PARD3: variants seen among roughly 807,000 people sequenced by gnomAD.
PARD3 encodes the protein partitioning defective 3 homolog.
Under a neutral mutation model 155.4 loss-of-function variants are expected in PARD3, and 75 were observed. That is an observed-to-expected ratio of 0.48 (90% CI 0.40 to 0.58). PARD3 has a LOEUF of 0.58. PARD3 is among the 20% of genes least tolerant of loss of function. The probability of loss-of-function intolerance (pLI) is 0.00; values close to 1 mark genes in which losing one functional copy is unlikely to be tolerated. For missense variants in PARD3, 1,642 were observed against 1,721.7 expected (o/e 0.95, Z 0.82); for synonymous variants, 576 against 610.5 (o/e 0.94, Z 0.83).
intron 1 of PARD3, among the ~76,000 whole-genome samples, chr10:34,793,062 C>A (rs1217434041): frequency 6.6e-6 from 1 of 152,166 alleles, no homozygotes; most frequent in African/African-American, 2.4e-5. Context: ...GGTGTGGGCT[C>A]CAGCAGTGGC....
At chr10:34,493,115 T>C (rs1404958365) in intron 3 of PARD3, among the ~76,000 whole-genome samples, 1 of 152,240 alleles carries the variant, frequency 6.6e-6, no homozygotes, top group East Asian at 1.9e-4. Flanking sequence ...TCAGTTGCAC[T>C]ACTGGAGTGG....
At position 34,381,189 on chromosome 10, in the gene PARD3, C is replaced by T. The variant is rs191643209; in HGVS notation, c.1399+1351G>A. On this transcript the variant is annotated intron_variant, in intron 9 of 24. Coordinates refer to ENST00000374788, the MANE Select transcript of PARD3 (RefSeq NM_001184785.2). ...AGTTTACAACCTTGTAAATGCTACC[C>T]CAAATGTAAAGAAGAATGGTCTGAA... Among the ~76,000 whole-genome samples, 6 of 152,194 alleles carry T rather than the reference C, an allele frequency of 3.9e-5. No individual in the cohort carries two copies. The East Asian group carries it at 7.7e-4, about 20-fold the overall frequency.
chr10:34,810,019 T>TTA (rs75896554), intron 1 of PARD3, among the ~76,000 whole-genome samples: 53,598 of 151,842 alleles, frequency 0.35, 10,591 homozygotes, highest in African/African-American at 0.55. Context: ...ATGACTGTCA[T>TTA]TGTTACTAAT....
chr10:34,553,220 T>C (rs1272182473), intron 2 of PARD3, among the ~76,000 whole-genome samples: 2 of 152,182 alleles, frequency 1.3e-5, no homozygotes, highest in African/African-American at 4.8e-5. Flanking sequence ...ACCTGAGTGC[T>C]GTGGTGGTTG....
chr10:34,208,439 A>C (rs71487355), intron 22 of PARD3, among the ~76,000 whole-genome samples: 4,195 of 152,302 alleles, frequency 0.028, 88 homozygotes, highest in Non-Finnish European at 0.041. Flanking sequence ...AATGTTGCTA[A>C]CATGTCTCTT....
At chr10:34,148,626 A>C (rs1319299128) in intron 22 of PARD3, among the ~76,000 whole-genome samples, 1 of 152,180 alleles carries the variant, frequency 6.6e-6, no homozygotes, top group East Asian at 1.9e-4. Context: ...GGGTGCATGA[A>C]ATAGATAAGT....
intron 2 of PARD3, among the ~76,000 whole-genome samples, chr10:34,536,582 C>T (rs1273583096): frequency 6.6e-6 from 1 of 152,192 alleles, no homozygotes; most frequent in Non-Finnish European, 1.5e-5. Context: ...AAAGATATTA[C>T]AAGTACTGAA....
intron 22 of PARD3, among the ~76,000 whole-genome samples, chr10:34,201,452 A>G (rs1445828905): frequency 1.3e-5 from 2 of 152,256 alleles, no homozygotes; most frequent in Admixed American, 6.5e-5. Flanking sequence ...TAAATTATGA[A>G]GAAATCAAAG....
Position 34,317,351 on chromosome 10 carries a change from GA to G in PARD3, c.2834-14del, listed in dbSNP as rs375147742. ...GTGTCTTCTTCCACTTGGAAGGAAA[GA>G]AAAAAAAATAGGGACACAGTGAACC... On this transcript the variant is annotated splice_polypyrimidine_tract_variant and intron_variant, in intron 19 of 24. Coordinates refer to ENST00000374788, the MANE Select transcript of PARD3 (RefSeq NM_001184785.2). The G allele has an allele frequency of 7.1e-5, 108 of 1,531,522 alleles. No individual in the cohort carries two copies. The highest frequency in any genetic ancestry group is 7.1e-5 in the Non-Finnish European group (81 of 1,138,630). The allele number at this position is 1,531,522 out of a possible 1,614,324, so 94.9% of individuals were successfully genotyped here. A position where few individuals can be genotyped will look rare whatever the true frequency, so the allele number is the denominator to read the frequency against.
chr10:34,706,751 A>G (rs1451244055), intron 1 of PARD3, among the ~76,000 whole-genome samples: 1 of 152,058 alleles, frequency 6.6e-6, no homozygotes, highest in Non-Finnish European at 1.5e-5. Flanking sequence ...ACAAAGTGAA[A>G]CCTTGTCCCA....
chr10:34,607,668 TC>T (rs2090576548), intron 2 of PARD3, among the ~76,000 whole-genome samples: 1 of 152,194 alleles, frequency 6.6e-6, no homozygotes. Context: ...ATAAGATACT[TC>T]TGTTTGCATC....
At chr10:34,209,742 C>T (rs1476968783) in intron 22 of PARD3, among the ~76,000 whole-genome samples, 1 of 152,116 alleles carries the variant, frequency 6.6e-6, no homozygotes, top group African/African-American at 2.4e-5. Context: ...CACAGGGATG[C>T]TACAGAAACC....
intron 22 of PARD3, among the ~76,000 whole-genome samples, chr10:34,153,079 C>G (rs1948849878): frequency 6.6e-6 from 1 of 152,210 alleles, no homozygotes; most frequent in Non-Finnish European, 1.5e-5. Flanking sequence ...CTGCTAAAGT[C>G]TTCCTGATTC....
At chr10:34,366,192 C>T (rs1262152332) in intron 12 of PARD3, among the ~76,000 whole-genome samples, 2 of 152,136 alleles carry the variant, frequency 1.3e-5, no homozygotes, top group African/African-American at 4.8e-5. Context: ...GATTTTTCCA[C>T]TTTTGATGGT....
chr10:34,111,931 A>G (rs1946405184), intron 24 of PARD3, among the ~76,000 whole-genome samples: 1 of 152,220 alleles, frequency 6.6e-6, no homozygotes, highest in South Asian at 2.1e-4. Context: ...GGCAGCTTCC[A>G]TGGTAGGAAT....
At chr10:34,764,631 T>C (rs778660126) in intron 1 of PARD3, among the ~76,000 whole-genome samples, 14 of 152,026 alleles carry the variant, frequency 9.2e-5, no homozygotes, top group Non-Finnish European at 2.1e-4. Flanking sequence ...TCTGTTTACT[T>C]TGAAAATTTC....
intron 22 of PARD3, among the ~76,000 whole-genome samples, chr10:34,238,518 C>T (rs1309369517): frequency 6.6e-6 from 1 of 152,094 alleles, no homozygotes; most frequent in Non-Finnish European, 1.5e-5. Context: ...ACATCTCCCA[C>T]ACATAGGGGT....
chr10:34,583,338 C>T (rs775479152), intron 2 of PARD3, among the ~76,000 whole-genome samples: 6 of 152,092 alleles, frequency 3.9e-5, no homozygotes, highest in Non-Finnish European at 8.8e-5. Context: ...GTTCTATTCA[C>T]AAAAATAGGC....
chr10:34,306,096 C>A (rs533194567), intron 20 of PARD3, among the ~76,000 whole-genome samples: 1 of 151,448 alleles, frequency 6.6e-6, no homozygotes, highest in East Asian at 2.0e-4. Flanking sequence ...GAGTTGGAGA[C>A]CAGCATGGCA....
Sources: allele counts gnomAD v4.1 joint callset (sites outside exome capture counted in the v4.1 genomes callset), GRCh38; gene constraint gnomAD v4.1.1; transcripts MANE v1.5; gene names NCBI Gene and HGNC (gene_info 2026-07-23, HGNC 2026-07-21).